The following NOL6 variants were observed in gnomAD, a reference collection of about 807,000 sequenced individuals.
NOL6 encodes the protein nucleolar RNA-associated protein.
A neutral mutation model predicts 131.7 loss-of-function variants in NOL6; 33 were observed. That is an observed-to-expected ratio of 0.25 (90% CI 0.19 to 0.33). The LOEUF (loss-of-function observed/expected upper bound fraction) is 0.33. Ranked by LOEUF, NOL6 falls within the 10% of genes least tolerant of loss-of-function variation. The pLI, the probability that NOL6 is intolerant of heterozygous loss-of-function variation, is 1.00. For synonymous variants in NOL6, 580 were observed against 605.7 expected, an observed-to-expected ratio of 0.96 and a Z score of 0.62; for missense variants, 1,297 against 1,494.5, an observed-to-expected ratio of 0.87 and a Z score of 2.18.
intron 1 of NOL6, chr9:33,472,765 G>C (rs1827448825): frequency 3.2e-6 from 1 of 316,422 alleles, no homozygotes; most frequent in South Asian, 3.3e-5. Context: ...CTGAAGTCAG[G>C]AGTTCGAAAT....
intron 4 of NOL6, 106 bp downstream of exon 4, chr9:33,469,906 A>C: frequency 8.0e-7 from 1 of 1,248,880 alleles, no homozygotes. Context: ...CTTCTGATTT[A>C]GAATTCTGAC....
In NOL6 at chr9:33,464,168, A is replaced by G; in HGVS notation, c.2780-7T>C. ...ATCTCCACCTGCTCCTCCACTAGAG[A>G]CAAGAATGGGTCCTGGGTCAGCCTG... On this transcript the variant is annotated splice_polypyrimidine_tract_variant and splice_region_variant and intron_variant, in intron 21 of 25. Coordinates refer to ENST00000297990, the MANE Select transcript of NOL6 (RefSeq NM_022917.5). 6.2e-7 allele frequency: 1 copy of G among 1,602,692 alleles called. No individual in the cohort carries two copies. The highest frequency in any genetic ancestry group is 8.5e-7 in the Non-Finnish European group (1 of 1,174,380).
intron 21 of NOL6, 102 bp downstream of exon 21, chr9:33,464,777 C>T: frequency 1.3e-6 from 1 of 775,126 alleles, no homozygotes; most frequent in Non-Finnish European, 2.2e-6. Flanking sequence ...ACATCTGGGG[C>T]TGGGGAGGCA....
intron 20 of NOL6, 88 bp downstream of exon 20, chr9:33,465,119 A>G (rs898622280): frequency 4.6e-6 from 7 of 1,509,388 alleles, no homozygotes; most frequent in Non-Finnish European, 5.4e-6. Context: ...TCAACCACCC[A>G]TTCCCATGTA....
At chr9:33,472,730 T>G in intron 1 of NOL6, 1 of 403,220 alleles carries the variant, frequency 2.5e-6, no homozygotes, top group Non-Finnish European at 4.6e-6. Flanking sequence ...CCCAGCAGTT[T>G]GGGAGGTGGA....
rs113665278 is a variant in NOL6, at chr9:33,466,828, G to A, written c.1950+84C>T. 3.0e-5 allele frequency: 47 copies of A among 1,575,788 alleles called. No homozygotes were observed. The African/African-American group carries it at 4.3e-4, about 14-fold the overall frequency. On this transcript the variant is annotated intron_variant, in intron 15 of 25. Coordinates refer to ENST00000297990, the MANE Select transcript of NOL6 (RefSeq NM_022917.5). ...CGCCGCCTGCTGGACATGCCAGGAA[G>A]TGCAAGCTGGCCAAGGCTGAGAGGA... is the stretch of plus-strand genomic sequence containing the variant.
chr9:33,466,449 A>G, intron 16 of NOL6, 24 bp from the exon 17 acceptor site: 1 of 1,613,576 alleles, frequency 6.2e-7, no homozygotes, highest in Non-Finnish European at 8.5e-7. Flanking sequence ...GGGGCTGAGG[A>G]ATGGGCCTAG....
chr9:33,473,277 G>T (rs1827464372), intron 1 of NOL6, among the ~76,000 whole-genome samples: 1 of 152,150 alleles, frequency 6.6e-6, no homozygotes, highest in African/African-American at 2.4e-5. Context: ...CTATTCACTC[G>T]AGGTTCCACA....
rs767802305 is a variant in NOL6 at position 33,470,150 on chromosome 9, G to A, written c.420C>T (p.Pro140=). Residue 140 remains proline, a synonymous_variant, in exon 4 of 26, where the codon CCC becomes CCT. Transcript: ENST00000297990. ...QAWLPAGVRV[P]LHQVPYAVKG... ...TCACGGCATAGGGCACTTGGTGGAG[G>A]GGCACTCGAACCCCAGCTGGGAGCC... is the stretch of plus-strand genomic sequence containing the variant. 1.9e-6 allele frequency: 3 copies of A among 1,603,596 alleles called. No individual in the cohort carries two copies. The South Asian group carries it at 3.3e-5, about 18-fold the overall frequency.
In NOL6 at chr9:33,466,566, C is replaced by T; in HGVS notation, c.2091+3G>A. The T allele has an allele frequency of 6.2e-7, 1 of 1,614,074 alleles. No individual in the cohort carries two copies. The highest frequency in any genetic ancestry group is 8.5e-7 in the Non-Finnish European group (1 of 1,179,968). Reference sequence around the variant, plus strand: ...AAAGGTCACCTGCACCGTTGCACCTCACCTCTGTGTAGCGCAGCACTGGGT... The same window carrying T: ...AAAGGTCACCTGCACCGTTGCACCTTACCTCTGTGTAGCGCAGCACTGGGT... On this transcript the variant is annotated splice_donor_region_variant and intron_variant, in intron 16 of 25. Coordinates refer to ENST00000297990, the MANE Select transcript of NOL6 (RefSeq NM_022917.5).
rs183048929 is a variant in NOL6, at chr9:33,466,036, T to A, written c.2364+35A>T. ...CGCCCTGACATCCCTGGTGCCCCCC[T>A]TCCCTGGGGACATATCTGCCTGCAC... On this transcript the variant is annotated intron_variant, in intron 18 of 25. Transcript: ENST00000297990. The A allele has an allele frequency of 3.0e-3, 4,714 of 1,561,830 alleles. 14 individuals carry two copies. Among genetic ancestry groups the A allele is most frequent in the Non-Finnish European group, 3.2e-3 (3,718 of 1,149,466 alleles).
chr9:33,461,569 A>G lies in NOL6; in HGVS notation c.*1095T>C, dbSNP rs678859. 96,271 of 152,202 alleles carry G rather than the reference A, an allele frequency of 0.63. 30,575 individuals carry two copies. The highest frequency in any genetic ancestry group is 0.69 in the Admixed American group (10,606 of 15,306). 9.4% of individuals were successfully genotyped at this position (152,202 alleles called of 1,614,324 possible). On this transcript the variant is annotated 3_prime_UTR_variant, in exon 26 of 26. Transcript: ENST00000297990. ...CCCTAAGTGTTGGGATTACAAGCAT[A>G]AGCCACCACGCCCAGCTGCAATTTA... is the stretch of plus-strand genomic sequence containing the variant.
At chr9:33,471,102 C>G (rs2119032052) in intron 3 of NOL6, among the ~76,000 whole-genome samples, 1 of 152,198 alleles carries the variant, frequency 6.6e-6, no homozygotes, top group Non-Finnish European at 1.5e-5. Context: ...GTGAAACCCC[C>G]TCTCTACTAA....
intron 6 of NOL6, 23 bp from the exon 7 acceptor site, chr9:33,469,144 A>G (rs1827336682): frequency 2.5e-6 from 4 of 1,614,100 alleles, no homozygotes; most frequent in Non-Finnish European, 3.4e-6. Flanking sequence ...AAGGGAAGCC[A>G]TGAGAGGAAA....
In NOL6 at chr9:33,467,800, T is replaced by C. The variant is rs773623545; in HGVS notation, c.1493A>G (p.Asn498Ser). The C allele has an allele frequency of 4.8e-5, 77 of 1,611,312 alleles. No individual in the cohort carries two copies. Among genetic ancestry groups the C allele is most frequent in the Non-Finnish European group, 5.4e-5 (64 of 1,178,916 alleles). Reference protein sequence around the residue: ...RLKLWPELQDNGGDYVSAALG... With the variant: ...RLKLWPELQDSGGDYVSAALG... ...AGCAGCTGAGACATAGTCCCCACCA[T>C]TGTCCTGCAGCTCTGGCCAGAGCTT... The change falls in exon 12 of 26, where the codon AAT becomes AGT. Residue 498 changes from asparagine (N) to serine (S), a missense_variant. Transcript: ENST00000297990. This position sits in a 1 kb window ranked among gnomAD's most constrained non-coding sequence, Gnocchi z 4.4.
In NOL6 at chr9:33,467,694, T is replaced by G; in HGVS notation, c.1599A>C (p.Pro533=). Residue 533 remains proline (P), a synonymous_variant, in exon 12 of 26, where the codon CCA becomes CCC. Coordinates refer to ENST00000297990, the MANE Select transcript of NOL6 (RefSeq NM_022917.5). The surrounding 1 kb of genome is among the most constrained non-coding windows in gnomAD (Gnocchi z 4.4). ...TCCCCAACCTACACCACCTCACCTCTGGGACTGGGGGTCGAGAGTGAGCCA... is the reference window on the plus strand; with the variant it reads ...TCCCCAACCTACACCACCTCACCTCGGGGACTGGGGGTCGAGAGTGAGCCA... ...NLLAHSRPPV[P]EWDISQDPPK... 1 of 1,562,358 alleles carries G rather than the reference T, an allele frequency of 6.4e-7. No individual in the cohort carries two copies. Among genetic ancestry groups the G allele is most frequent in the Non-Finnish European group, 8.7e-7 (1 of 1,155,606 alleles).
chr9:33,473,667 A>ATCC lies in NOL6; in HGVS notation c.54+119_54+121dup, dbSNP rs1827475293. 2.7e-6 allele frequency: 3 copies of ATCC among 1,112,636 alleles called. No individual in the cohort carries two copies. In the South Asian group the frequency reaches 4.2e-5, roughly 16 times the overall value. 68.9% of individuals were successfully genotyped at this position (1,112,636 alleles called of 1,614,324 possible). A position where few individuals can be genotyped will look rare whatever the true frequency, so the allele number is the denominator to read the frequency against. ...TGTCTCAGTGCCACTGGCTGGAAAC[A>ATCC]TCCTCCAGAATGGGCCGCCGGCATG... is the stretch of plus-strand genomic sequence containing the variant. On this transcript the variant is annotated intron_variant, in intron 1 of 25. Coordinates refer to ENST00000297990, the MANE Select transcript of NOL6 (RefSeq NM_022917.5).
rs374966145 is a variant in NOL6 at position 33,472,106 on chromosome 9, T to C, written c.276A>G (p.Leu92=). 3.1e-6 allele frequency: 5 copies of C among 1,614,038 alleles called. No homozygotes were observed. In the African/African-American group the frequency reaches 6.7e-5, roughly 22 times the overall value. Residue 92 remains leucine (L), a synonymous_variant, in exon 3 of 26, where the codon CTA becomes CTG. Coordinates refer to ENST00000297990, the MANE Select transcript of NOL6 (RefSeq NM_022917.5). Reference sequence around the variant, plus strand: ...TCTTCTCTGACAGCCTTACTTCCTTTAGTAGCTCCTCTACCTGTAAGAGAG... The same window carrying C: ...TCTTCTCTGACAGCCTTACTTCCTTCAGTAGCTCCTCTACCTGTAAGAGAG... ...SLLRLQVEEL[L]KEVRLSEKKK...
At chr9:33,464,589 G>A (rs751207756) in intron 21 of NOL6, among the ~76,000 whole-genome samples, 3 of 151,162 alleles carry the variant, frequency 2.0e-5, no homozygotes, top group Non-Finnish European at 2.9e-5. Context: ...TCCTAGCTCC[G>A]TGCCCTAATA....
Sources: gnomAD v4.1 joint callset for allele counts (sites outside exome capture counted in the v4.1 genomes callset) on GRCh38, gnomAD v4.1.1 for gene constraint, Gnocchi (gnomAD v3.1) non-coding constraint, MANE v1.5 for transcripts, NCBI Gene and HGNC (gene_info 2026-07-23, HGNC 2026-07-21) for gene names.